AUTS2: variants seen among roughly 807,000 people sequenced by gnomAD.
The protein encoded by AUTS2 is autism susceptibility gene 2 protein.
Under a neutral mutation model 112.4 loss-of-function variants are expected in AUTS2, and 17 were observed. The ratio of observed to expected loss-of-function variants is 0.15; its 90% CI spans 0.10 to 0.23. AUTS2 has a LOEUF of 0.23. Ranked by LOEUF, AUTS2 falls within the 10% of genes least tolerant of loss-of-function variation. The probability of loss-of-function intolerance (pLI) is 1.00; values close to 1 mark genes in which losing one functional copy is unlikely to be tolerated. For missense variants in AUTS2, 1,510 were observed against 1,701.6 expected, an observed-to-expected ratio of 0.89 and a Z score of 1.98; for synonymous variants, 751 against 702.7, an observed-to-expected ratio of 1.07 and a Z score of -1.09.
chr7:70,642,940 G>A (rs1414589448), intron 5 of AUTS2, among the ~76,000 whole-genome samples: 1 of 152,210 alleles, frequency 6.6e-6, no homozygotes, highest in Admixed American at 6.5e-5. Context: ...CCACTTGCCA[G>A]GTGAAGGAGT....
At chr7:70,593,145 C>T (rs1803030358) in intron 5 of AUTS2, among the ~76,000 whole-genome samples, 1 of 152,124 alleles carries the variant, frequency 6.6e-6, no homozygotes, top group Non-Finnish European at 1.5e-5. Flanking sequence ...AACCACCATG[C>T]CTGACCTGAC....
chr7:70,065,262 A>T (rs12698841), intron 2 of AUTS2, among the ~76,000 whole-genome samples: 38,190 of 152,046 alleles, frequency 0.25, 4,778 homozygotes, highest in Middle Eastern at 0.34. Flanking sequence ...GATAAAAAGG[A>T]TATTGAATGG....
chr7:70,784,619 C>A (rs1390153424), intron 15 of AUTS2: 2 of 304,854 alleles, frequency 6.6e-6, no homozygotes, highest in Non-Finnish European at 1.2e-5. Context: ...CTCCCATGAC[C>A]CAGGGCAGTT....
chr7:70,779,355 G>C (rs1173768952), intron 14 of AUTS2, among the ~76,000 whole-genome samples: 1 of 152,196 alleles, frequency 6.6e-6, no homozygotes, highest in African/African-American at 2.4e-5. Context: ...TACGCCTGCA[G>C]GTTCCTTACT....
At chr7:70,169,303 C>T (rs539022503) in intron 4 of AUTS2, among the ~76,000 whole-genome samples, 11 of 152,042 alleles carry the variant, frequency 7.2e-5, no homozygotes, top group Non-Finnish European at 1.0e-4. Context: ...TGCAGTGTCG[C>T]GATCTTGGCT....
At chr7:70,377,319 AATATAAATATAT>A (rs1457790170) in intron 4 of AUTS2, among the ~76,000 whole-genome samples, 2 of 77,032 alleles carry the variant, frequency 2.6e-5, no homozygotes, top group Non-Finnish European at 5.2e-5. Flanking sequence ...CAAACAAACA[AATATAAATATAT>A]ATATATATAT....
intron 4 of AUTS2, among the ~76,000 whole-genome samples, chr7:70,353,612 A>G (rs1791865805): frequency 6.6e-6 from 1 of 152,080 alleles, no homozygotes; most frequent in Non-Finnish European, 1.5e-5. Context: ...AGCCCCCATT[A>G]CCCACTGTTC....
At chr7:70,751,279 A>G (rs139305500) in intron 6 of AUTS2, among the ~76,000 whole-genome samples, 7 of 152,340 alleles carry the variant, frequency 4.6e-5, no homozygotes, top group East Asian at 1.9e-4. Context: ...TGTCAGATCT[A>G]TAATGCACCC....
chr7:70,635,658 A>C (rs937406100), intron 5 of AUTS2, among the ~76,000 whole-genome samples: 2 of 152,232 alleles, frequency 1.3e-5, no homozygotes, highest in African/African-American at 4.8e-5. Flanking sequence ...ATTGTTTATC[A>C]GGTACTGTCA....
At chr7:69,644,336 T>C (rs914200550) in intron 1 of AUTS2, among the ~76,000 whole-genome samples, 1 of 152,124 alleles carries the variant, frequency 6.6e-6, no homozygotes, top group Non-Finnish European at 1.5e-5. Context: ...ACTTTTTTTT[T>C]TTCTTCCAGG....
chr7:70,175,483 TG>T, intron 4 of AUTS2, among the ~76,000 whole-genome samples: 1 of 152,338 alleles, frequency 6.6e-6, no homozygotes, highest in Admixed American at 6.5e-5. Flanking sequence ...AAGTTCTATG[TG>T]GGTAATATGC....
chr7:70,404,183 C>T (rs1794437851), intron 4 of AUTS2, among the ~76,000 whole-genome samples: 1 of 152,118 alleles, frequency 6.6e-6, no homozygotes, highest in Non-Finnish European at 1.5e-5. Flanking sequence ...GTGGAGGTGA[C>T]TGGAATTCAT....
intron 1 of AUTS2, among the ~76,000 whole-genome samples, chr7:69,782,052 T>C (rs1789166557): frequency 6.6e-6 from 1 of 152,180 alleles, no homozygotes; most frequent in Non-Finnish European, 1.5e-5. Flanking sequence ...TCAGGTTCAG[T>C]AGGTCTGAAA....
At chr7:70,335,366 A>C (rs531857308) in intron 4 of AUTS2, among the ~76,000 whole-genome samples, 16 of 152,184 alleles carry the variant, frequency 1.1e-4, no homozygotes, top group African/African-American at 3.6e-4. Flanking sequence ...ACTCTTGTCT[A>C]ATTAGTCCTC....
intron 4 of AUTS2, among the ~76,000 whole-genome samples, chr7:70,329,548 T>G (rs968854020): frequency 2.6e-5 from 4 of 151,802 alleles, no homozygotes; most frequent in African/African-American, 9.7e-5. Flanking sequence ...TCTTTTCATG[T>G]TTTTTGGCCA....
chr7:70,381,385 GT>G (rs1793361956), intron 4 of AUTS2, among the ~76,000 whole-genome samples: 1 of 152,144 alleles, frequency 6.6e-6, no homozygotes, highest in African/African-American at 2.4e-5. Flanking sequence ...ACAGCTGTGT[GT>G]TTTCCTGTGT....
chr7:69,829,200 T>C (rs1453488812), intron 1 of AUTS2, among the ~76,000 whole-genome samples: 2 of 152,248 alleles, frequency 1.3e-5, no homozygotes, highest in East Asian at 3.9e-4. Flanking sequence ...GGCAGAAAAC[T>C]GAAACTGAAC....
intron 4 of AUTS2, among the ~76,000 whole-genome samples, chr7:70,396,660 A>T (rs1320063974): frequency 6.6e-6 from 1 of 152,208 alleles, no homozygotes; most frequent in Admixed American, 6.5e-5. Flanking sequence ...TACAGGTGTG[A>T]GCCACTGCAC....
In AUTS2 at chr7:70,790,193, C is replaced by T. The variant is rs1317631817; in HGVS notation, c.2977C>T (p.Pro993Ser). The change falls in exon 19 of 19, where the codon CCT becomes TCT. Residue 993 changes from proline to serine, a missense_variant. Coordinates refer to ENST00000342771, the MANE Select transcript of AUTS2 (RefSeq NM_015570.4). The surrounding 1 kb of genome is among the most constrained non-coding windows in gnomAD (Gnocchi z 7.6). Reference sequence around the variant, plus strand: ...GGAGCGGAAGGAAGACCATGACCTGCCTCCAGAGGCCCCGCAGACCCACCG... The same window carrying T: ...GGAGCGGAAGGAAGACCATGACCTGTCTCCAGAGGCCCCGCAGACCCACCG... ...KEERKEDHDL[P>S]PEAPQTHRAS... is the part of the protein sequence containing the mutation. The T allele has an allele frequency of 6.2e-7, 1 of 1,612,480 alleles. No individual in the cohort carries two copies. The highest frequency in any genetic ancestry group is 8.5e-7 in the Non-Finnish European group (1 of 1,179,786).
Sources: gnomAD v4.1 joint callset for allele counts (sites outside exome capture counted in the v4.1 genomes callset) on GRCh38, gnomAD v4.1.1 for gene constraint, Gnocchi (gnomAD v3.1) non-coding constraint, MANE v1.5 for transcripts, NCBI Gene and HGNC (gene_info 2026-07-23, HGNC 2026-07-21) for gene names.